The following NTNG1 variants were observed in gnomAD, a reference collection of about 807,000 sequenced individuals.
NTNG1 encodes netrin G1.
A neutral mutation model predicts 54.0 loss-of-function variants in NTNG1; 16 were observed. The ratio of observed to expected loss-of-function variants is 0.30; its 90% CI spans 0.20 to 0.45. The LOEUF is 0.45. Among genes scored for constraint, NTNG1 ranks in the 20% least tolerant of loss-of-function variants. The pLI is 1.00. For missense variants in NTNG1, 530 were observed against 678.7 expected (o/e 0.78, Z 2.43); for synonymous variants, 255 against 263.1 (o/e 0.97, Z 0.30).
At chr1:107,227,551 A>G (rs1020563300) in intron 2 of NTNG1, among the ~76,000 whole-genome samples, 2 of 152,060 alleles carry the variant, frequency 1.3e-5, no homozygotes, top group Admixed American at 6.6e-5. Flanking sequence ...TTCTGTTGGT[A>G]CTAGGTTCGC....
At chr1:107,342,453 A>T (rs1430563331) in intron 3 of NTNG1, among the ~76,000 whole-genome samples, 1 of 152,158 alleles carries the variant, frequency 6.6e-6, no homozygotes, top group Non-Finnish European at 1.5e-5. Context: ...GTGTCTTTGC[A>T]CTCAACTAAT....
chr1:107,352,454 A>AG (rs1669676630), intron 3 of NTNG1, among the ~76,000 whole-genome samples: 2 of 149,526 alleles, frequency 1.3e-5, no homozygotes, highest in Non-Finnish European at 3.0e-5. Context: ...GACCCACTAG[A>AG]CAATGCTCAA....
intron 3 of NTNG1, among the ~76,000 whole-genome samples, chr1:107,379,133 C>G (rs1159907077): frequency 6.6e-6 from 1 of 152,186 alleles, no homozygotes; most frequent in Non-Finnish European, 1.5e-5. Flanking sequence ...TTTGATATTT[C>G]CAGTCCTGCA....
At chr1:107,371,568 CA>C (rs35638894) in intron 3 of NTNG1, among the ~76,000 whole-genome samples, 1 of 151,852 alleles carries the variant, frequency 6.6e-6, no homozygotes, top group Non-Finnish European at 1.5e-5. Flanking sequence ...ACAGACAACT[CA>C]AAAAGCCTCA....
At chr1:107,316,042 C>T (rs1667319234) in intron 2 of NTNG1, among the ~76,000 whole-genome samples, 1 of 152,124 alleles carries the variant, frequency 6.6e-6, no homozygotes, top group African/African-American at 2.4e-5. Context: ...AGAGGTGTTT[C>T]CCTAACGCCT....
intron 3 of NTNG1, among the ~76,000 whole-genome samples, chr1:107,335,604 A>G (rs1490146861): frequency 6.6e-6 from 1 of 152,026 alleles, no homozygotes; most frequent in African/African-American, 2.4e-5. Flanking sequence ...AGACAACACA[A>G]ATATAGTTGG....
intron 2 of NTNG1, among the ~76,000 whole-genome samples, chr1:107,183,088 C>G (rs1657190726): frequency 6.6e-6 from 1 of 152,176 alleles, no homozygotes; most frequent in Non-Finnish European, 1.5e-5. Flanking sequence ...TTCTTTTGCT[C>G]TACTTCTTCA....
chr1:107,368,977 T>C (rs1238103846), intron 3 of NTNG1, among the ~76,000 whole-genome samples: 1 of 152,198 alleles, frequency 6.6e-6, no homozygotes, highest in African/African-American at 2.4e-5. Flanking sequence ...GTGCCCCAGA[T>C]CAACTTTGGT....
At chr1:107,333,871 T>A (rs1668425231) in intron 3 of NTNG1, 1 of 151,336 alleles carries the variant, frequency 6.6e-6, no homozygotes. Flanking sequence ...CTTGGAGTAC[T>A]ATGCATCCTT....
At chr1:107,224,395 G>A (rs949410705) in intron 2 of NTNG1, among the ~76,000 whole-genome samples, 1 of 152,112 alleles carries the variant, frequency 6.6e-6, no homozygotes, top group Non-Finnish European at 1.5e-5. Flanking sequence ...AGGAAAATTG[G>A]TGCTTATCTG....
At chr1:107,144,064 A>G (rs990342685) in intron 1 of NTNG1, among the ~76,000 whole-genome samples, 2 of 152,140 alleles carry the variant, frequency 1.3e-5, no homozygotes, top group African/African-American at 4.8e-5. Flanking sequence ...AGAGACAGTT[A>G]ACAAAAGGAT....
chr1:107,409,234 A>G (rs1673640894), intron 5 of NTNG1: 1 of 152,204 alleles, frequency 6.6e-6, no homozygotes, highest in East Asian at 1.9e-4. Flanking sequence ...AGGCCTTGAC[A>G]ATTGCATTTG....
At chr1:107,201,738 C>T (rs1403967579) in intron 2 of NTNG1, among the ~76,000 whole-genome samples, 1 of 151,890 alleles carries the variant, frequency 6.6e-6, no homozygotes. Flanking sequence ...AGACAGATAA[C>T]ATGTAACCTG....
chr1:107,198,905 G>T (rs1048646394), intron 2 of NTNG1, among the ~76,000 whole-genome samples: 1 of 151,796 alleles, frequency 6.6e-6, no homozygotes, highest in Admixed American at 6.6e-5. Context: ...ATATTCTGGG[G>T]ACAACTGATT....
At chr1:107,472,705 G>C (rs978845263) in intron 7 of NTNG1, among the ~76,000 whole-genome samples, 1 of 126,272 alleles carries the variant, frequency 7.9e-6, no homozygotes, top group Non-Finnish European at 1.9e-5. Flanking sequence ...CAGACCATAA[G>C]GTCGGGGAAG....
chr1:107,391,402 A>C (rs1672351451), intron 3 of NTNG1, among the ~76,000 whole-genome samples: 1 of 152,222 alleles, frequency 6.6e-6, no homozygotes, highest in South Asian at 2.1e-4. Flanking sequence ...AAGTTCTTGT[A>C]ATAAACCAGA....
chr1:107,468,047 T>A (rs958713643), intron 7 of NTNG1, among the ~76,000 whole-genome samples: 1 of 152,108 alleles, frequency 6.6e-6, no homozygotes, highest in Non-Finnish European at 1.5e-5. Flanking sequence ...TGGTTTGACA[T>A]TGTCAGGGGG....
chr1:107,436,353 T>C (rs1675593728), intron 6 of NTNG1, among the ~76,000 whole-genome samples: 1 of 152,242 alleles, frequency 6.6e-6, no homozygotes, highest in Non-Finnish European at 1.5e-5. Flanking sequence ...TACAAACTTC[T>C]CATGGTGTTT....
intron 3 of NTNG1, among the ~76,000 whole-genome samples, chr1:107,387,161 C>G (rs951981241): frequency 6.6e-6 from 1 of 152,198 alleles, no homozygotes; most frequent in African/African-American, 2.4e-5. Context: ...CCATTTTAAA[C>G]AGTAAGTGCA....
Sources: allele counts gnomAD v4.1 joint callset (sites outside exome capture counted in the v4.1 genomes callset), GRCh38; gene constraint gnomAD v4.1.1; transcripts MANE v1.5; gene names NCBI Gene and HGNC (gene_info 2026-07-23, HGNC 2026-07-21).